The following PBRM1 variants were observed in gnomAD, a reference collection of about 807,000 sequenced individuals.
PBRM1 encodes the protein protein polybromo-1.
In PBRM1, 27 loss-of-function variants were observed where a neutral mutation model predicts 194.5. That is an observed-to-expected ratio of 0.14 (90% CI 0.10 to 0.19). PBRM1 has a LOEUF of 0.19. Ranked by LOEUF, PBRM1 falls within the 10% of genes least tolerant of loss-of-function variation. The pLI is 1.00. For missense variants in PBRM1, 1,466 were observed against 2,077.2 expected, an observed-to-expected ratio of 0.71 and a Z score of 5.72; for synonymous variants, 655 against 693.2, an observed-to-expected ratio of 0.94 and a Z score of 0.87.
chr3:52,615,170 C>T (rs1158247645), intron 15 of PBRM1, among the ~76,000 whole-genome samples, 181 bp downstream of exon 17: 1 of 152,188 alleles, frequency 6.6e-6, no homozygotes, highest in Non-Finnish European at 1.5e-5. Flanking sequence ...TCCCCATATG[C>T]TTGTCACAGT....
At chr3:52,552,262 G>A (rs1041813775) in intron 27 of PBRM1, among the ~76,000 whole-genome samples, 6 of 152,090 alleles carry the variant, frequency 3.9e-5, no homozygotes, top group Non-Finnish European at 2.9e-5. Context: ...TCATTGCTTT[G>A]CAGGGCAGCA....
intron 22 of PBRM1, among the ~76,000 whole-genome samples, chr3:52,565,554 C>T (rs575853021): frequency 8.1e-4 from 122 of 149,836 alleles, no homozygotes; most frequent in Non-Finnish European, 1.4e-3. Context: ...TTTTGTGCTC[C>T]AAAGGATACT....
At chr3:52,667,186 G>A (rs1053757189) in intron 3 of PBRM1, among the ~76,000 whole-genome samples, 1 of 152,006 alleles carries the variant, frequency 6.6e-6, no homozygotes, top group Admixed American at 6.6e-5. Flanking sequence ...TTATATGAAA[G>A]ACAAAACTAT....
At chr3:52,550,398 G>C in intron 29 of PBRM1, 23 bp downstream of exon 31, 1 of 1,290,646 alleles carries the variant, frequency 7.7e-7, no homozygotes, top group Non-Finnish European at 1.0e-6. Flanking sequence ...ATTTCACAAA[G>C]GCTTATTTAG....
intron 18 of PBRM1, among the ~76,000 whole-genome samples, chr3:52,587,793 T>G (rs1395574509): frequency 1.6e-5 from 1 of 62,194 alleles, no homozygotes; most frequent in Non-Finnish European, 2.9e-5. Context: ...TGTGCTTATT[T>G]TTACAGCTAC....
chr3:52,645,915 G>A (rs1370719928), intron 7 of PBRM1, among the ~76,000 whole-genome samples: 1 of 152,168 alleles, frequency 6.6e-6, no homozygotes, highest in Admixed American at 6.5e-5. Flanking sequence ...CCGCAGATAA[G>A]GTGAGGGACT....
At chr3:52,587,239 T>TA (rs2092522113) in intron 19 of PBRM1, 114 bp downstream of exon 21, 3 of 850,492 alleles carry the variant, frequency 3.5e-6, no homozygotes, top group Non-Finnish European at 5.7e-6. Flanking sequence ...AGACACGGCT[T>TA]AAAAAATAGC....
chr3:52,630,155 A>G (rs1369088767), intron 11 of PBRM1, among the ~76,000 whole-genome samples: 3 of 152,186 alleles, frequency 2.0e-5, no homozygotes, highest in Non-Finnish European at 2.9e-5. Flanking sequence ...ATGACAACGA[A>G]TAATAAACCT....
intron 22 of PBRM1, among the ~76,000 whole-genome samples, chr3:52,565,466 C>G (rs1231233334): frequency 6.6e-6 from 1 of 151,710 alleles, no homozygotes; most frequent in Non-Finnish European, 1.5e-5. Flanking sequence ...CAAGAGCACC[C>G]CAGTGCACTC....
chr3:52,611,132 G>A (rs927322102), intron 15 of PBRM1, among the ~76,000 whole-genome samples: 1 of 151,984 alleles, frequency 6.6e-6, no homozygotes, highest in Admixed American at 6.6e-5. Flanking sequence ...ACTGGTAAAG[G>A]TGAAAACAAA....
intron 29 of PBRM1, among the ~76,000 whole-genome samples, chr3:52,548,924 A>G (rs1451958287): frequency 6.6e-6 from 1 of 152,234 alleles, no homozygotes. Flanking sequence ...CTACACAAGT[A>G]CTTTAGTACA....
exon 1 of PBRM1, chr3:52,679,676 G>A (rs149195980): frequency 1.2e-6 from 2 of 1,613,546 alleles, no homozygotes; most frequent in Non-Finnish European, 1.7e-6. Flanking sequence ...TGACACTGCT[G>A]GAAGGGGAGG....
intron 17 of PBRM1, among the ~76,000 whole-genome samples, chr3:52,598,848 C>A (rs1202469656): frequency 6.6e-6 from 1 of 151,954 alleles, no homozygotes. Flanking sequence ...ATGGTGAAGC[C>A]CCGTCTCTAC....
intron 25 of PBRM1, 135 bp downstream of exon 27, chr3:52,561,632 G>A: frequency 2.6e-6 from 2 of 764,108 alleles, no homozygotes; most frequent in Non-Finnish European, 2.3e-6. Context: ...ATACTGGTTG[G>A]GTGCCATTTG....
chr3:52,637,773 C>CAAAAAAAAAAAAAAAA (rs755241328), intron 10 of PBRM1, among the ~76,000 whole-genome samples: 1,661 of 42,080 alleles, frequency 0.039, 202 homozygotes, highest in Middle Eastern at 0.065. Flanking sequence ...ACTAAAAATA[C>CAAAAAAAAAAAAAAAA]AAAAAAAAAA....
At chr3:52,618,739 C>A (rs571874800) in intron 13 of PBRM1, among the ~76,000 whole-genome samples, 1 of 151,054 alleles carries the variant, frequency 6.6e-6, no homozygotes, top group Non-Finnish European at 1.5e-5. Flanking sequence ...GGATTACAGG[C>A]GCCTGCCACG....
chr3:52,642,293 T>C (rs1240786732), intron 9 of PBRM1, among the ~76,000 whole-genome samples: 1 of 152,148 alleles, frequency 6.6e-6, no homozygotes, highest in East Asian at 1.9e-4. Context: ...ATAATTATCT[T>C]CTAAGATGTT....
In PBRM1 at chr3:52,630,838, T is replaced by TACAC. The variant is rs1300982196; in HGVS notation, c.1302-1804_1302-1803insGTGT. Among the ~76,000 whole-genome samples, 17 of 152,336 alleles carry TACAC rather than the reference T, an allele frequency of 1.1e-4. No individual in the cohort carries two copies. In the East Asian group the frequency reaches 2.3e-3, roughly 21 times the overall value. ...AGAAAATTTCAACTTGGAAGAAGGC[T>TACAC]GTGTTGGCAGGGGACTGAGCTGGCT... On this transcript the variant is annotated intron_variant, in intron 11 of 29. Transcript: ENST00000296302.
At chr3:52,617,354 G>A (rs965565832) in exon 14 of PBRM1, 5 of 1,613,372 alleles carry the variant, frequency 3.1e-6, no homozygotes, top group Admixed American at 1.7e-5. Context: ...TTGTCATTGC[G>A]GATGTTATGC....
Sources: gnomAD v4.1 joint callset for allele counts (sites outside exome capture counted in the v4.1 genomes callset) on GRCh38, gnomAD v4.1.1 for gene constraint, MANE v1.5 for transcripts, NCBI Gene and HGNC (gene_info 2026-07-23, HGNC 2026-07-21) for gene names.